WNT7A: variants seen among roughly 807,000 people sequenced by gnomAD.
WNT7A encodes the protein Wnt family member 7A, also known as protein Wnt-7a.
A neutral mutation model predicts 28.2 loss-of-function variants in WNT7A; 16 were observed. The observed-to-expected ratio is 0.57, with a 90% CI of 0.38 to 0.86. The LOEUF (loss-of-function observed/expected upper bound fraction) is 0.86. Ranked by LOEUF, WNT7A falls within the 40% of genes least tolerant of loss-of-function variation. The pLI is 0.00. For synonymous variants in WNT7A, 190 were observed against 195.9 expected (o/e 0.97, Z 0.25); for missense variants, 411 against 489.7 (o/e 0.84, Z 1.52).
chr3:13,858,909 G>T (rs1452230455), intron 2 of WNT7A, among the ~76,000 whole-genome samples: 1 of 152,192 alleles, frequency 6.6e-6, no homozygotes, highest in Non-Finnish European at 1.5e-5. Context: ...AAACTACCCT[G>T]GGCATCCAGC....
intron 3 of WNT7A, among the ~76,000 whole-genome samples, chr3:13,830,163 G>A (rs946740063): frequency 2.6e-5 from 4 of 152,058 alleles, no homozygotes; most frequent in Admixed American, 2.6e-4. Context: ...CCCCAAGCAG[G>A]AGGCTCGTTC....
rs575789769 is a variant in WNT7A, at chr3:13,818,351, C to CGAAAAAAAAAAAAAA, written c.*592_*593insTTTTTTTTTTTTTTC. 5.5e-4 allele frequency: 44 copies of CGAAAAAAAAAAAAAA among 79,948 alleles called. 3 individuals carry two copies. The South Asian group carries it at 9.9e-3, about 18-fold the overall frequency. 5.0% of individuals were successfully genotyped at this position (79,948 alleles called of 1,614,324 possible). Reference sequence around the variant, plus strand: ...TTTCTGGATAAGTAGCAGCAAACAGCAAAAAAAAAAAAAAAAATGTGTGTG... The same window carrying CGAAAAAAAAAAAAAA: ...TTTCTGGATAAGTAGCAGCAAACAGCGAAAAAAAAAAAAAAAAAAAAAAAAAAAAAAATGTGTGTG... On this transcript the variant is annotated 3_prime_UTR_variant, in exon 4 of 4. Transcript: ENST00000285018.
At chr3:13,868,696 GAA>G (rs1410625077) in intron 2 of WNT7A, among the ~76,000 whole-genome samples, 2 of 26,264 alleles carry the variant, frequency 7.6e-5, no homozygotes, top group African/African-American at 3.0e-4. Flanking sequence ...GAGAGAGAAA[GAA>G]AGAAAGAAAG....
At chr3:13,861,252 T>C (rs1169150462) in intron 2 of WNT7A, among the ~76,000 whole-genome samples, 1 of 152,232 alleles carries the variant, frequency 6.6e-6, no homozygotes, top group Non-Finnish European at 1.5e-5. Flanking sequence ...CCTCCACCCC[T>C]GGCAGTGGGG....
intron 3 of WNT7A, among the ~76,000 whole-genome samples, chr3:13,837,088 C>T (rs569194603): frequency 6.6e-6 from 1 of 152,124 alleles, no homozygotes. Context: ...TACCGGAGGC[C>T]AAGTGGTAGC....
rs185620191 is a variant in WNT7A, at chr3:13,867,501, C to T, written c.298+7446G>A. On this transcript the variant is annotated intron_variant, in intron 2 of 3. Coordinates refer to ENST00000285018, the MANE Select transcript of WNT7A (RefSeq NM_004625.4). ...CTAAGCCTGTCTCCCAGGAATGAGA[C>T]GGAGGTGGACACACTTTCTTTCAAG... is the stretch of plus-strand genomic sequence containing the variant. 4.6e-5 allele frequency among the ~76,000 whole-genome samples: 7 copies of T among 152,252 alleles called. No individual in the cohort carries two copies. In the South Asian group the frequency reaches 6.2e-4, roughly 14 times the overall value.
Position 13,818,970 on chromosome 3 carries a change from G to A in WNT7A, c.1024C>T (p.Arg342Cys), listed in dbSNP as rs1426757027. Residue 342 changes from arginine to cysteine, a missense_variant, in exon 4 of 4, where the codon CGC (arginine) becomes TGC (cysteine). Arg to Cys is a radical substitution (Grantham distance 180). Transcript: ENST00000285018. ...CYVKCNTCSE[R>C]TEMYTCK ...CACTTGCACGTGTACATCTCCGTGC[G>A]CTCGCTGCACGTGTTGCACTTGACA... The A allele has an allele frequency of 3.1e-6, 5 of 1,591,186 alleles. No homozygotes were observed. The highest frequency in any genetic ancestry group is 4.3e-6 in the Non-Finnish European group (5 of 1,164,314).
At position 13,855,081 on chromosome 3, in the gene WNT7A, A is replaced by G. The variant is rs558480368; in HGVS notation, c.299-278T>C. ...GGTTGCCCAGGATCTGGAAGGCCAG[A>G]TGTGGGGGACCCCTCTAGCCCATCA... On this transcript the variant is annotated intron_variant, in intron 2 of 3. Coordinates refer to ENST00000285018, the MANE Select transcript of WNT7A (RefSeq NM_004625.4). Among the ~76,000 whole-genome samples, 16 of 152,326 alleles carry G rather than the reference A, an allele frequency of 1.1e-4. No individual in the cohort carries two copies. In the South Asian group the frequency reaches 3.3e-3, roughly 32 times the overall value.
At chr3:13,821,858 T>C (rs1424670558) in intron 3 of WNT7A, among the ~76,000 whole-genome samples, 1 of 152,260 alleles carries the variant, frequency 6.6e-6, no homozygotes, top group Non-Finnish European at 1.5e-5. Flanking sequence ...ATATGGTTTA[T>C]GGTTACATGG....
In WNT7A at chr3:13,879,996, G is replaced by A; in HGVS notation, c.-180C>T. 2.5e-6 allele frequency: 1 copy of A among 404,600 alleles called. No homozygotes were observed. The highest frequency in any genetic ancestry group is 3.9e-5 in the East Asian group (1 of 25,350). The allele number at this position is 404,600 out of a possible 1,614,324, so 25.1% of individuals were successfully genotyped here. On this transcript the variant is annotated 5_prime_UTR_variant, in exon 1 of 4. Coordinates refer to ENST00000285018, the MANE Select transcript of WNT7A (RefSeq NM_004625.4). Reference sequence around the variant, plus strand: ...CCTCGCCAGGAGCACGGGAGCCACGGAGCGGGAGGAGGGAGGGAGGAGCGA... The same window carrying A: ...CCTCGCCAGGAGCACGGGAGCCACGAAGCGGGAGGAGGGAGGGAGGAGCGA...
chr3:13,834,389 G>A (rs1694331247), intron 3 of WNT7A, among the ~76,000 whole-genome samples: 1 of 152,146 alleles, frequency 6.6e-6, no homozygotes, highest in Non-Finnish European at 1.5e-5. Context: ...GGGGTCGGGT[G>A]CACACTGGAG....
intron 3 of WNT7A, among the ~76,000 whole-genome samples, chr3:13,846,554 A>G (rs1223364998): frequency 6.6e-6 from 1 of 152,192 alleles, no homozygotes; most frequent in Non-Finnish European, 1.5e-5. Flanking sequence ...TTAAATTAGT[A>G]TATATATTTC....
intron 3 of WNT7A, among the ~76,000 whole-genome samples, chr3:13,828,832 G>T (rs755809506): frequency 6.6e-6 from 1 of 152,188 alleles, no homozygotes; most frequent in African/African-American, 2.4e-5. Flanking sequence ...CTCCACGAAA[G>T]TATGATGTGG....
rs1456619450 is a variant in WNT7A, at chr3:13,818,340, G to C, written c.*604C>G. The C allele has an allele frequency of 2.3e-5, 1 of 43,278 alleles. No homozygotes were observed. Among genetic ancestry groups the C allele is most frequent in the South Asian group, 1.0e-3 (1 of 968 alleles). 2.7% of individuals were successfully genotyped at this position (43,278 alleles called of 1,614,324 possible). A position where few individuals can be genotyped will look rare whatever the true frequency, so the allele number is the denominator to read the frequency against. Reference sequence around the variant, plus strand: ...ACCAGCTTAAATTTCTGGATAAGTAGCAGCAAACAGCAAAAAAAAAAAAAA... The same window carrying C: ...ACCAGCTTAAATTTCTGGATAAGTACCAGCAAACAGCAAAAAAAAAAAAAA... On this transcript the variant is annotated 3_prime_UTR_variant, in exon 4 of 4. Coordinates refer to ENST00000285018, the MANE Select transcript of WNT7A (RefSeq NM_004625.4).
intron 2 of WNT7A, among the ~76,000 whole-genome samples, chr3:13,869,011 A>G (rs1694981326): frequency 6.9e-6 from 1 of 145,156 alleles, no homozygotes; most frequent in Non-Finnish European, 1.5e-5. Flanking sequence ...AGAAAGAAAG[A>G]GAGAGAGAAA....
At chr3:13,871,867 G>A (rs1235698915) in intron 2 of WNT7A, among the ~76,000 whole-genome samples, 3 of 152,062 alleles carry the variant, frequency 2.0e-5, no homozygotes, top group Admixed American at 6.5e-5. Flanking sequence ...CCATTCCCAT[G>A]AAGGGAAATC....
intron 3 of WNT7A, 101 bp from the exon 4 acceptor site, chr3:13,819,524 C>G: frequency 1.4e-6 from 2 of 1,411,976 alleles, no homozygotes; most frequent in South Asian, 1.4e-5. Flanking sequence ...CCCCACCTAT[C>G]TGGGTCTGGC....
intron 2 of WNT7A, among the ~76,000 whole-genome samples, chr3:13,869,623 A>C (rs1694996962): frequency 6.9e-6 from 1 of 144,356 alleles, no homozygotes; most frequent in Non-Finnish European, 1.5e-5. Flanking sequence ...AGAAAGAGAA[A>C]GAAAGGAAAG....
chr3:13,872,602 C>T (rs984829313), intron 2 of WNT7A, among the ~76,000 whole-genome samples: 3 of 152,212 alleles, frequency 2.0e-5, no homozygotes, highest in African/African-American at 7.2e-5. Context: ...GGAATTCCCC[C>T]AGCCACCTCT....
Sources: gnomAD v4.1 joint callset for allele counts (sites outside exome capture counted in the v4.1 genomes callset) on GRCh38, gnomAD v4.1.1 for gene constraint, MANE v1.5 for transcripts, NCBI Gene and HGNC (gene_info 2026-07-23, HGNC 2026-07-21) for gene names.